The following FRMD4B variants were observed in gnomAD, a reference collection of about 807,000 sequenced individuals.
FRMD4B encodes the protein FERM domain containing 4B, also known as FERM domain-containing protein 4B.
A neutral mutation model predicts 141.5 loss-of-function variants in FRMD4B; 74 were observed. The ratio of observed to expected loss-of-function variants is 0.52; its 90% CI spans 0.43 to 0.63. The LOEUF (loss-of-function observed/expected upper bound fraction) is 0.63, where lower values mean the gene tolerates loss of function less well. FRMD4B is among the 30% of genes least tolerant of loss of function. The probability of loss-of-function intolerance (pLI) is 0.00; values close to 1 mark genes in which losing one functional copy is unlikely to be tolerated. For synonymous variants in FRMD4B, 506 were observed against 467.9 expected (o/e 1.08, Z -1.05); for missense variants, 1,366 against 1,253.4 (o/e 1.09, Z -1.36).
rs1553691418 is a variant in FRMD4B, at chr3:69,169,353, C to CTTCCTTTTTTTTTT, written c.*2507_*2508insAAAAAAAAAAGGAA. Among the ~76,000 whole-genome samples the CTTCCTTTTTTTTTT allele has an allele frequency of 6.8e-5, 2 of 29,286 alleles. 1 individual carries two copies. The highest frequency in any genetic ancestry group is 1.2e-3 in the Admixed American group (2 of 1,662). The allele number at this position is 29,286 out of a possible 152,430, so 19.2% of individuals were successfully genotyped here. On this transcript the variant is annotated 3_prime_UTR_variant, in exon 23 of 23. Transcript: ENST00000398540. ...AGGATTGCTGAACTTCCATTTCTTT[C>CTTCCTTTTTTTTTT]TTTTTTTTTTTTTTTTTTTTTTCTT... is the stretch of plus-strand genomic sequence containing the variant.
At chr3:69,218,245 T>A in intron 10 of FRMD4B, 77 bp downstream of exon 10, 1 of 740,976 alleles carries the variant, frequency 1.3e-6, no homozygotes, top group Non-Finnish European at 2.3e-6. Context: ...ATCAGCCTTT[T>A]ATATAGTATG....
intron 1 of FRMD4B, among the ~76,000 whole-genome samples, chr3:69,475,737 G>A (rs900805038): frequency 5.3e-5 from 8 of 149,936 alleles, no homozygotes; most frequent in Non-Finnish European, 1.0e-4. Flanking sequence ...TGGGATGGCT[G>A]GGTCAAATGG....
At chr3:69,321,113 C>G (rs902373368) in intron 1 of FRMD4B, 5 of 152,376 alleles carry the variant, frequency 3.3e-5, no homozygotes, top group Admixed American at 6.5e-5. Flanking sequence ...CACACTCCCC[C>G]ACCCTGGCCC....
chr3:69,535,220 A>C (rs1186025989), intron 1 of FRMD4B, among the ~76,000 whole-genome samples: 1 of 152,206 alleles, frequency 6.6e-6, no homozygotes, highest in East Asian at 1.9e-4. Flanking sequence ...AGTATTCACA[A>C]CAATGACCTG....
At chr3:69,236,747 T>A (rs573133355) in intron 7 of FRMD4B, among the ~76,000 whole-genome samples, 1 of 152,260 alleles carries the variant, frequency 6.6e-6, no homozygotes, top group Admixed American at 6.5e-5. Flanking sequence ...ATGAGTTATC[T>A]CTGTTACTGT....
chr3:69,223,044 C>T (rs987633922), intron 8 of FRMD4B, among the ~76,000 whole-genome samples: 5 of 152,106 alleles, frequency 3.3e-5, no homozygotes, highest in Admixed American at 3.3e-4. Context: ...AGTCTGTGTG[C>T]AATCTAAAAT....
chr3:69,283,970 C>CAAAAAAAAAAAAAAAAAAAAAA (rs146536193), intron 5 of FRMD4B, among the ~76,000 whole-genome samples: 10 of 137,700 alleles, frequency 7.3e-5, no homozygotes, highest in African/African-American at 1.1e-4. Flanking sequence ...CAAAACAAAA[C>CAAAAAAAAAAAAAAAAAAAAAA]AAAACAAAAA....
chr3:69,192,572 T>A lies in FRMD4B; in HGVS notation c.1714+1076A>T, dbSNP rs4498053. On this transcript the variant is annotated intron_variant, in intron 17 of 22. Coordinates refer to ENST00000398540, the MANE Select transcript of FRMD4B (RefSeq NM_015123.3). Reference sequence around the variant, plus strand: ...CCACCTGGGATTTCTAAGTTTATGTTTTTTCTGAAAATGAAAGTCATAAAT... The same window carrying A: ...CCACCTGGGATTTCTAAGTTTATGTATTTTCTGAAAATGAAAGTCATAAAT... Among the ~76,000 whole-genome samples, 1,310 of 152,136 alleles carry A rather than the reference T, an allele frequency of 8.6e-3. 39 individuals carry two copies. The highest frequency in any genetic ancestry group is 0.059 in the Admixed American group (898 of 15,284).
At chr3:69,360,734 G>T (rs1459668346) in intron 1 of FRMD4B, among the ~76,000 whole-genome samples, 1 of 152,146 alleles carries the variant, frequency 6.6e-6, no homozygotes, top group African/African-American at 2.4e-5. Context: ...GGTTGGTTGA[G>T]TCCCAAGGCT....
chr3:69,484,462 CTG>C (rs1054065246), intron 1 of FRMD4B, among the ~76,000 whole-genome samples: 39 of 152,132 alleles, frequency 2.6e-4, no homozygotes, highest in Non-Finnish European at 2.4e-4. Flanking sequence ...TCCAGGAAGA[CTG>C]AGGTACACAG....
intron 1 of FRMD4B, among the ~76,000 whole-genome samples, chr3:69,514,833 T>C (rs972869534): frequency 2.0e-5 from 3 of 152,186 alleles, no homozygotes; most frequent in African/African-American, 7.2e-5. Flanking sequence ...AAAATCCCAA[T>C]GGCATTTTTT....
intron 19 of FRMD4B, among the ~76,000 whole-genome samples, chr3:69,185,318 A>G (rs1003338220): frequency 6.6e-6 from 1 of 150,926 alleles, no homozygotes; most frequent in South Asian, 2.1e-4. Context: ...AAAAAAAAAG[A>G]AAAGAAAAAA....
At chr3:69,314,227 TAAAAAAA>T (rs59090061) in intron 1 of FRMD4B, among the ~76,000 whole-genome samples, 2 of 109,226 alleles carry the variant, frequency 1.8e-5, no homozygotes, top group Admixed American at 1.1e-4. Context: ...AATGTTTTAT[TAAAAAAA>T]AAAAAAAAGC....
At chr3:69,384,483 A>G (rs1046902501) in intron 1 of FRMD4B, among the ~76,000 whole-genome samples, 12 of 152,160 alleles carry the variant, frequency 7.9e-5, no homozygotes. Context: ...ATTTCCCAAG[A>G]GAGGAAAAAA....
At chr3:69,503,974 T>G (rs1391093413) in intron 1 of FRMD4B, among the ~76,000 whole-genome samples, 5 of 152,146 alleles carry the variant, frequency 3.3e-5, no homozygotes, top group Non-Finnish European at 7.3e-5. Flanking sequence ...CAATGTTACA[T>G]GCGATTATTG....
At chr3:69,521,698 T>G (rs768640840) in intron 1 of FRMD4B, among the ~76,000 whole-genome samples, 57 of 152,134 alleles carry the variant, frequency 3.7e-4, no homozygotes, top group Non-Finnish European at 6.8e-4. Flanking sequence ...AGGCCCATTC[T>G]CTACTCATAA....
Position 69,169,233 on chromosome 3 carries a change from C to T in FRMD4B, c.*2628G>A, listed in dbSNP as rs554087115. 1.3e-5 allele frequency among the ~76,000 whole-genome samples: 2 copies of T among 152,014 alleles called. No homozygotes were observed. The highest frequency in any genetic ancestry group is 1.3e-4 in the Admixed American group (2 of 15,268). ...TACATGTTGAATAATGTACTTTTGT[C>T]ACTTTTGGCTTTTAATAAATAACGT... On this transcript the variant is annotated 3_prime_UTR_variant, in exon 23 of 23. Coordinates refer to ENST00000398540, the MANE Select transcript of FRMD4B (RefSeq NM_015123.3).
At chr3:69,265,542 G>A (rs1457840790) in intron 5 of FRMD4B, among the ~76,000 whole-genome samples, 3 of 138,104 alleles carry the variant, frequency 2.2e-5, no homozygotes, top group East Asian at 2.4e-4. Context: ...TCCGCCGCCC[G>A]GTTCACGCCA....
At chr3:69,513,238 A>G (rs971812257) in intron 1 of FRMD4B, among the ~76,000 whole-genome samples, 2 of 151,840 alleles carry the variant, frequency 1.3e-5, no homozygotes, top group Admixed American at 1.3e-4. Flanking sequence ...GCAATGTTGT[A>G]GAAATAAAAG....
Sources: allele counts gnomAD v4.1 joint callset (sites outside exome capture counted in the v4.1 genomes callset), GRCh38; gene constraint gnomAD v4.1.1; transcripts MANE v1.5; gene names NCBI Gene and HGNC (gene_info 2026-07-23, HGNC 2026-07-21).